The following GUCY1A2 variants were observed in gnomAD, a reference collection of about 807,000 sequenced individuals.
GUCY1A2 encodes the protein guanylate cyclase 1 soluble subunit alpha 2.
In GUCY1A2, 27 loss-of-function variants were observed where a neutral mutation model predicts 63.5. The observed-to-expected ratio is 0.43, with a 90% confidence interval of 0.31 to 0.59. GUCY1A2 has a LOEUF of 0.59. Among genes scored for constraint, GUCY1A2 ranks in the 20% least tolerant of loss-of-function variants. The pLI, the probability that GUCY1A2 is intolerant of heterozygous loss-of-function variation, is 0.11. For missense variants in GUCY1A2, 768 were observed against 913.3 expected (o/e 0.84, Z 2.05); for synonymous variants, 364 against 343.5 (o/e 1.06, Z -0.66).
chr11:106,876,470 G>A (rs778676365), intron 4 of GUCY1A2, among the ~76,000 whole-genome samples: 4 of 151,902 alleles, frequency 2.6e-5, no homozygotes, highest in South Asian at 2.1e-4. Context: ...TCCAACATAC[G>A]TAAATAACTA....
chr11:106,794,646 T>G (rs550474002), intron 5 of GUCY1A2, among the ~76,000 whole-genome samples: 1 of 152,164 alleles, frequency 6.6e-6, no homozygotes, highest in African/African-American at 2.4e-5. Context: ...CTATTTTTAT[T>G]TAATTATTAA....
rs1243054794 is a variant in GUCY1A2 at position 106,826,965 on chromosome 11, GCAGCCATAT to G, written c.1207-16496_1207-16488del. ...CTCCTGTAGCACTGACAATGAAATCGCAGCCATATATCTTTTCATTGGTCAATTCCACAT... is the reference window on the plus strand; with the variant it reads ...CTCCTGTAGCACTGACAATGAAATCGATCTTTTCATTGGTCAATTCCACAT... On this transcript the variant is annotated intron_variant, in intron 4 of 7. Coordinates refer to ENST00000526355, the MANE Select transcript of GUCY1A2 (RefSeq NM_000855.3). 6.4e-5 allele frequency: 103 copies of G among 1,610,532 alleles called. No homozygotes were observed. In the Admixed American group the frequency reaches 1.1e-3, roughly 18 times the overall value.
At chr11:106,932,159 T>C (rs1169353769) in intron 4 of GUCY1A2, among the ~76,000 whole-genome samples, 1 of 152,114 alleles carries the variant, frequency 6.6e-6, no homozygotes, top group Non-Finnish European at 1.5e-5. Context: ...TACAAACCTT[T>C]AATAGAACTA....
chr11:106,751,838 T>A (rs11823981), intron 6 of GUCY1A2, among the ~76,000 whole-genome samples: 238 of 152,268 alleles, frequency 1.6e-3, no homozygotes, highest in African/African-American at 5.4e-3. Flanking sequence ...GAAAAATGAA[T>A]AAAGAATTAA....
At chr11:106,953,460 C>T (rs1261193750) in intron 3 of GUCY1A2, among the ~76,000 whole-genome samples, 1 of 152,182 alleles carries the variant, frequency 6.6e-6, no homozygotes, top group African/African-American at 2.4e-5. Context: ...CGATGTTCAT[C>T]AGGGATATTG....
At chr11:106,788,185 T>G (rs959452608) in intron 5 of GUCY1A2, among the ~76,000 whole-genome samples, 14 of 152,218 alleles carry the variant, frequency 9.2e-5, no homozygotes, top group Non-Finnish European at 1.5e-5. Context: ...TCTCTTCTTG[T>G]GAGAAATATC....
intron 3 of GUCY1A2, among the ~76,000 whole-genome samples, chr11:106,972,737 C>T (rs1861212119): frequency 6.6e-6 from 1 of 151,848 alleles, no homozygotes; most frequent in Non-Finnish European, 1.5e-5. Context: ...TATCCAATAA[C>T]CAAAAATGGA....
At chr11:106,778,932 G>GAATA (rs1864409828) in intron 5 of GUCY1A2, among the ~76,000 whole-genome samples, 1 of 125,866 alleles carries the variant, frequency 7.9e-6, no homozygotes. Flanking sequence ...GATGCTTCCA[G>GAATA]CATAAATATA....
At chr11:106,891,181 G>A (rs1217537611) in intron 4 of GUCY1A2, among the ~76,000 whole-genome samples, 1 of 152,096 alleles carries the variant, frequency 6.6e-6, no homozygotes, top group Non-Finnish European at 1.5e-5. Flanking sequence ...GTAGTGGTAT[G>A]TCACTGTGGT....
rs901215235 is a variant in GUCY1A2, at chr11:106,680,193, G to A, written c.*7356C>T. ...GAGTCTGCTGTGTAAATGCCAGGCA[G>A]CAGAATGCAAAGAAGTGTCTTCAGA... On this transcript the variant is annotated 3_prime_UTR_variant, in exon 8 of 8. Coordinates refer to ENST00000526355, the MANE Select transcript of GUCY1A2 (RefSeq NM_000855.3). 6.1e-5 allele frequency: 13 copies of A among 213,440 alleles called. No homozygotes were observed. The highest frequency in any genetic ancestry group is 1.1e-4 in the Non-Finnish European group (12 of 105,628). The allele number at this position is 213,440 out of a possible 1,614,324, so 13.2% of individuals were successfully genotyped here.
intron 3 of GUCY1A2, among the ~76,000 whole-genome samples, chr11:106,965,579 C>T (rs1861117274): frequency 6.6e-6 from 1 of 152,192 alleles, no homozygotes; most frequent in Non-Finnish European, 1.5e-5. Flanking sequence ...CACACTCAAG[C>T]AGCTTTGCAT....
At chr11:106,951,055 T>C (rs1317216477) in intron 3 of GUCY1A2, among the ~76,000 whole-genome samples, 4 of 152,194 alleles carry the variant, frequency 2.6e-5, no homozygotes, top group African/African-American at 9.7e-5. Context: ...TCCATGTCCC[T>C]GCAAAGGACA....
intron 4 of GUCY1A2, among the ~76,000 whole-genome samples, chr11:106,913,986 CAAAA>C (rs11325847): frequency 8.4e-5 from 6 of 71,256 alleles, no homozygotes; most frequent in Admixed American, 1.6e-4. Context: ...AATGAAAAAG[CAAAA>C]AAAAAAAAAA....
chr11:106,893,344 T>C (rs1859999680), intron 4 of GUCY1A2, among the ~76,000 whole-genome samples: 1 of 152,040 alleles, frequency 6.6e-6, no homozygotes, highest in South Asian at 2.1e-4. Context: ...AATCAAAATG[T>C]ACAAAATTTC....
chr11:106,820,121 G>T (rs1858881952), intron 4 of GUCY1A2, among the ~76,000 whole-genome samples: 2 of 152,120 alleles, frequency 1.3e-5, no homozygotes, highest in Non-Finnish European at 2.9e-5. Flanking sequence ...CATTCGATGT[G>T]TATGTGTGTT....
Position 106,877,897 on chromosome 11 carries a change from C to A in GUCY1A2, c.1206+61563G>T, listed in dbSNP as rs183924297. 9.9e-5 allele frequency among the ~76,000 whole-genome samples: 15 copies of A among 152,018 alleles called. No homozygotes were observed. The East Asian group carries it at 2.9e-3, about 29-fold the overall frequency. ...ACGAATCTGACAAAGGTCTAACATG[C>A]AGCATCTATAACAAACTTAAACAAA... On this transcript the variant is annotated intron_variant, in intron 4 of 7. Coordinates refer to ENST00000526355, the MANE Select transcript of GUCY1A2 (RefSeq NM_000855.3).
chr11:106,874,181 C>A (rs145269682), intron 4 of GUCY1A2, among the ~76,000 whole-genome samples: 100 of 152,182 alleles, frequency 6.6e-4, no homozygotes, highest in African/African-American at 2.3e-3. Context: ...AAAATATTTG[C>A]TGAATACATA....
At chr11:106,953,032 G>C (rs550447993) in intron 3 of GUCY1A2, among the ~76,000 whole-genome samples, 4 of 152,188 alleles carry the variant, frequency 2.6e-5, no homozygotes, top group Admixed American at 6.5e-5. Flanking sequence ...TCTTTCTCTT[G>C]CCTGATTGCC....
chr11:106,951,536 T>G (rs1860909162), intron 3 of GUCY1A2, among the ~76,000 whole-genome samples: 1 of 152,244 alleles, frequency 6.6e-6, no homozygotes, highest in African/African-American at 2.4e-5. Context: ...TGTAAATATC[T>G]TCTTTTGAGA....
Sources: allele counts gnomAD v4.1 joint callset (sites outside exome capture counted in the v4.1 genomes callset), GRCh38; gene constraint gnomAD v4.1.1; transcripts MANE v1.5; gene names NCBI Gene and HGNC (gene_info 2026-07-23, HGNC 2026-07-21).